CORO7: variants seen among roughly 807,000 people sequenced by gnomAD.
CORO7 encodes coronin-7.
In CORO7, 107 loss-of-function variants were observed where a neutral mutation model predicts 126.6. The ratio of observed to expected loss-of-function variants is 0.85; its 90% CI spans 0.72 to 0.99. The LOEUF (loss-of-function observed/expected upper bound fraction) is 0.99, where lower values mean the gene tolerates loss of function less well. Among genes scored for constraint, CORO7 ranks in the 50% least tolerant of loss-of-function variants. The probability of loss-of-function intolerance (pLI) is 0.00; values close to 1 mark genes in which losing one functional copy is unlikely to be tolerated. For synonymous variants in CORO7, 603 were observed against 536.8 expected (o/e 1.12, Z -1.70); for missense variants, 1,314 against 1,255.8 (o/e 1.05, Z -0.70).
At chr16:4,361,632 C>T in intron 16 of CORO7, 163 bp from the exon 17 acceptor site, 1 of 897,928 alleles carries the variant, frequency 1.1e-6, no homozygotes, top group Non-Finnish European at 1.8e-6. Flanking sequence ...GCGCTCTGAG[C>T]CCCAAGTGCC....
At chr16:4,385,396 C>T (rs1041187232) in intron 9 of CORO7, among the ~76,000 whole-genome samples, 3 of 152,142 alleles carry the variant, frequency 2.0e-5, no homozygotes, top group Non-Finnish European at 4.4e-5. Flanking sequence ...GCAATACACC[C>T]TACTTCTATG....
intron 9 of CORO7, among the ~76,000 whole-genome samples, chr16:4,387,162 G>T (rs2055220611): frequency 6.6e-6 from 1 of 152,068 alleles, no homozygotes. Context: ...GCCCTGCCTG[G>T]CTACGTCTCT....
Position 4,405,491 on chromosome 16 carries a change from C to G in CORO7, c.564G>C (p.Lys188Asn). Reference sequence around the variant, plus strand: ...AGGGCATCCCCACCTGCCTGCTCACCTTGCACGCCGTGCCCACCAGGGCTC... The same window carrying G: ...AGGGCATCCCCACCTGCCTGCTCACGTTGCACGCCGTGCCCACCAGGGCTC... ...RDGALVGTACKDKQLRIFDPR... is the reference protein window; with the variant it reads ...RDGALVGTACNDKQLRIFDPR... Residue 188 changes from lysine (K) to asparagine (N), a missense_variant and splice_region_variant, in exon 6 of 28, where the codon AAG (lysine) becomes AAC (asparagine). Physicochemically the swap from Lys to Asn is moderately conservative, Grantham distance 94. Transcript: ENST00000251166. The G allele has an allele frequency of 6.2e-7, 1 of 1,612,008 alleles. No homozygotes were observed. The highest frequency in any genetic ancestry group is 8.5e-7 in the Non-Finnish European group (1 of 1,179,714).
chr16:4,364,872 G>T lies in CORO7; in HGVS notation c.947C>A (p.Pro316His), dbSNP rs924477472. The change falls in exon 12 of 28, where the codon CCC becomes CAC. Residue 316 changes from proline (P) to histidine (H), a missense_variant. By Grantham distance (77) the Pro-to-His change is moderately conservative (BLOSUM62 -2). Coordinates refer to ENST00000251166, the MANE Select transcript of CORO7 (RefSeq NM_024535.5). Reference sequence around the variant, plus strand: ...GCTCATGACGGCCAGCGCCTGCCGGGGCACAAGGGCAGCCCCACGCAGCAC... The same window carrying T: ...GCTCATGACGGCCAGCGCCTGCCGGTGCACAAGGGCAGCCCCACGCAGCAC... ...ESVLRGAALV[P>H]RQALAVMSCE... The T allele has an allele frequency of 5.0e-6, 8 of 1,611,848 alleles. No individual in the cohort carries two copies. Among genetic ancestry groups the T allele is most frequent in the African/African-American group, 2.7e-5 (2 of 74,924 alleles).
intron 7 of CORO7, among the ~76,000 whole-genome samples, chr16:4,393,743 G>A (rs914299062): frequency 2.6e-5 from 4 of 152,166 alleles, no homozygotes; most frequent in African/African-American, 9.7e-5. Flanking sequence ...CTAACAGTAG[G>A]ACCCTAAACT....
In CORO7 at chr16:4,364,348, G is replaced by T; in HGVS notation, c.1203C>A (p.Pro401=). 2 of 1,528,716 alleles carry T rather than the reference G, an allele frequency of 1.3e-6. No homozygotes were observed. 94.7% of individuals were successfully genotyped at this position (1,528,716 alleles called of 1,614,324 possible). A position where few individuals can be genotyped will look rare whatever the true frequency, so the allele number is the denominator to read the frequency against. ...PHPSFTSCLV[P]PAEPLPDTAQ... ...CTGTGTCAGGGAGGGGCTCCGCAGG[G>T]GGCACCAGACAGGAAGTGAAGCTCG... The change falls in exon 14 of 28, where the codon CCC becomes CCA. Residue 401 remains proline, a synonymous_variant. Transcript: ENST00000251166.
chr16:4,381,773 C>A, intron 9 of CORO7: 1 of 1,601,422 alleles, frequency 6.2e-7, no homozygotes, highest in Non-Finnish European at 8.5e-7. Context: ...GCCCGCAACC[C>A]CTTCAACTGC....
intron 6 of CORO7, among the ~76,000 whole-genome samples, chr16:4,403,422 C>T (rs1438649836): frequency 6.6e-6 from 1 of 152,142 alleles, no homozygotes; most frequent in Non-Finnish European, 1.5e-5. Flanking sequence ...GGCTTGGAGG[C>T]AATGCTGCGT....
At chr16:4,382,460 A>G (rs758383871) in intron 9 of CORO7, 1 of 1,608,294 alleles carries the variant, frequency 6.2e-7, no homozygotes, top group South Asian at 1.1e-5. Context: ...CTGCGGCCCA[A>G]CGCCACTTAC....
intron 9 of CORO7, among the ~76,000 whole-genome samples, chr16:4,374,565 C>T (rs564870419): frequency 2.6e-5 from 4 of 152,196 alleles, no homozygotes; most frequent in East Asian, 1.9e-4. Context: ...GGGGCTGGGG[C>T]GGCCGCTGGG....
At chr16:4,401,729 C>A (rs1003774420) in intron 6 of CORO7, among the ~76,000 whole-genome samples, 1 of 152,014 alleles carries the variant, frequency 6.6e-6, no homozygotes, top group Non-Finnish European at 1.5e-5. Context: ...AGGCAGGACA[C>A]GAGCGACAGC....
chr16:4,396,627 CT>C (rs1359866432), intron 6 of CORO7, among the ~76,000 whole-genome samples: 4 of 152,168 alleles, frequency 2.6e-5, no homozygotes, highest in African/African-American at 4.8e-5. Context: ...TTAACTTTTC[CT>C]TTTTACGTCT....
intron 9 of CORO7, chr16:4,382,168 T>C (rs1439333535): frequency 7.5e-6 from 12 of 1,594,252 alleles, no homozygotes; most frequent in Non-Finnish European, 1.0e-5. Flanking sequence ...CCTGGCGTGC[T>C]TGTGCCCCGA....
intron 9 of CORO7, among the ~76,000 whole-genome samples, chr16:4,372,797 G>A (rs551763404): frequency 5.3e-4 from 81 of 152,306 alleles, no homozygotes; most frequent in Non-Finnish European, 1.0e-3. Context: ...GTCACTGACC[G>A]CCTCCCCTGC....
At chr16:4,416,366 G>T (rs928924462) in intron 1 of CORO7, 93 bp downstream of exon 1, 31 of 1,414,744 alleles carry the variant, frequency 2.2e-5, no homozygotes, top group Non-Finnish European at 3.7e-6. Context: ...GTTCCAGACG[G>T]CCCTGGAGGG....
chr16:4,387,114 T>C lies in CORO7; in HGVS notation c.785+872A>G, dbSNP rs111308077. Among the ~76,000 whole-genome samples the C allele has an allele frequency of 3.1e-3, 468 of 152,328 alleles. 5 individuals carry two copies. The highest frequency in any genetic ancestry group is 0.011 in the African/African-American group (446 of 41,580). ...AGGCCCTTATAAGTCACGGTTGAAG[T>C]TTCAGAAGGCGGATGGAGTCCCTGT... On this transcript the variant is annotated intron_variant, in intron 9 of 27. Transcript: ENST00000251166.
intron 7 of CORO7, among the ~76,000 whole-genome samples, chr16:4,393,457 G>C (rs952006313): frequency 3.3e-5 from 5 of 152,192 alleles, no homozygotes; most frequent in Admixed American, 3.3e-4. Context: ...CACCCTGCCT[G>C]GCTAGTTTCA....
chr16:4,371,007 G>A (rs2054504030), intron 9 of CORO7, among the ~76,000 whole-genome samples: 1 of 152,246 alleles, frequency 6.6e-6, no homozygotes, highest in Non-Finnish European at 1.5e-5. Flanking sequence ...CAAGGCAGGG[G>A]ATTTTTCTGG....
chr16:4,413,745 C>T (rs2056302092), intron 1 of CORO7, among the ~76,000 whole-genome samples: 1 of 149,856 alleles, frequency 6.7e-6, no homozygotes, highest in African/African-American at 2.4e-5. Flanking sequence ...ACCATGTTGG[C>T]CAGGCTGGTC....
Sources: allele counts gnomAD v4.1 joint callset (sites outside exome capture counted in the v4.1 genomes callset), GRCh38; gene constraint gnomAD v4.1.1; transcripts MANE v1.5; gene names NCBI Gene and HGNC (gene_info 2026-07-23, HGNC 2026-07-21).